PSTPIP1: variants seen among roughly 807,000 people sequenced by gnomAD.
PSTPIP1 encodes the protein proline-serine-threonine phosphatase-interacting protein 1.
PSTPIP1 carries 66 observed loss-of-function variants against 69.6 expected under a neutral mutation model. The ratio of observed to expected loss-of-function variants is 0.95; its 90% CI spans 0.78 to 1.16. PSTPIP1 has a LOEUF of 1.16. PSTPIP1 is among the 50% of genes most tolerant of loss of function. The pLI, the probability that PSTPIP1 is intolerant of heterozygous loss-of-function variation, is 0.00. For missense variants in PSTPIP1, 603 were observed against 557.4 expected (o/e 1.08, Z -0.82); for synonymous variants, 266 against 222.7 (o/e 1.19, Z -1.73).
chr15:76,997,736 G>T (rs2152661084), intron 1 of PSTPIP1, among the ~76,000 whole-genome samples: 1 of 152,188 alleles, frequency 6.6e-6, no homozygotes, highest in African/African-American at 2.4e-5. Context: ...CTCCCAGAGG[G>T]GTAAGAAAAT....
chr15:77,036,053 T>A, intron 14 of PSTPIP1, 118 bp downstream of exon 14: 1 of 1,330,290 alleles, frequency 7.5e-7, no homozygotes. Flanking sequence ...TCTTCGAGCA[T>A]CCTCTCCTCC....
rs539958477 is a variant in PSTPIP1 at position 77,032,509 on chromosome 15, G to A, written c.838+115G>A. The stretch of plus-strand genomic sequence containing the variant: ...TGGGGTAGCTCACAGCTCCCTTCAG[G>A]GCAGAGAAGCCCTAGCAGGGGTTGT... On this transcript the variant is annotated intron_variant, in intron 11 of 14. Coordinates refer to ENST00000558012, the MANE Select transcript of PSTPIP1 (RefSeq NM_003978.5). 1.9e-5 allele frequency: 22 copies of A among 1,133,764 alleles called. No individual in the cohort carries two copies. The East Asian group carries it at 5.0e-4, about 26-fold the overall frequency. The allele number at this position is 1,133,764 out of a possible 1,614,324, so 70.2% of individuals were successfully genotyped here. A position where few individuals can be genotyped will look rare whatever the true frequency, so the allele number is the denominator to read the frequency against.
chr15:77,027,748 C>T lies in PSTPIP1; in HGVS notation c.355-104C>T. The T allele has an allele frequency of 7.5e-7, 1 of 1,337,450 alleles. No individual in the cohort carries two copies. The highest frequency in any genetic ancestry group is 1.0e-6 in the Non-Finnish European group (1 of 956,372). The allele number at this position is 1,337,450 out of a possible 1,614,324, so 82.8% of individuals were successfully genotyped here. ...GCAGCCTGTCACCCTCTCTCCAGAG[C>T]CAGGAGAGGTGCTGCGCCTCATCCC... On this transcript the variant is annotated intron_variant, in intron 5 of 14. Coordinates refer to ENST00000558012, the MANE Select transcript of PSTPIP1 (RefSeq NM_003978.5). The surrounding 1 kb of genome is among the most constrained non-coding windows in gnomAD (Gnocchi z 4.3).
intron 12 of PSTPIP1, among the ~76,000 whole-genome samples, chr15:77,034,783 T>C (rs1262213135): frequency 6.6e-6 from 1 of 152,234 alleles, no homozygotes; most frequent in Non-Finnish European, 1.5e-5. Flanking sequence ...TGTTGAGCCC[T>C]CACTACTGCC....
intron 1 of PSTPIP1, among the ~76,000 whole-genome samples, chr15:77,000,894 T>C (rs2075694056): frequency 6.6e-6 from 1 of 152,146 alleles, no homozygotes; most frequent in Non-Finnish European, 1.5e-5. Context: ...TGTAGCGAAA[T>C]ACACATAAAA....
At chr15:76,996,629 C>T (rs1454015447) in intron 1 of PSTPIP1, among the ~76,000 whole-genome samples, 1 of 152,258 alleles carries the variant, frequency 6.6e-6, no homozygotes, top group Non-Finnish European at 1.5e-5. Flanking sequence ...TTCCGGCCGG[C>T]TCCACTTGGG....
In PSTPIP1 at chr15:77,027,033, G is replaced by T. The variant is rs2076295662; in HGVS notation, c.355-819G>T. Among the ~76,000 whole-genome samples, 1 of 152,252 alleles carries T rather than the reference G, an allele frequency of 6.6e-6. No individual in the cohort carries two copies. Among genetic ancestry groups the T allele is most frequent in the South Asian group, 2.1e-4 (1 of 4,838 alleles). ...CACAGAGCAAGGACATGTGCTTACA[G>T]GATGGTGCACACGTGCCTACGCTCC... On this transcript the variant is annotated intron_variant, in intron 5 of 14. Transcript: ENST00000558012. This position sits in a 1 kb window ranked among gnomAD's most constrained non-coding sequence, Gnocchi z 4.3.
At chr15:77,035,772 G>C in intron 13 of PSTPIP1, 30 bp from the exon 14 acceptor site, 1 of 1,592,438 alleles carries the variant, frequency 6.3e-7, no homozygotes, top group Non-Finnish European at 8.5e-7. Context: ...CCCCAGAAGG[G>C]GAGGGGTCTA....
At chr15:77,011,134 AG>A (rs1047745891) in intron 1 of PSTPIP1, among the ~76,000 whole-genome samples, 4 of 152,252 alleles carry the variant, frequency 2.6e-5, no homozygotes, top group African/African-American at 9.6e-5. Context: ...CTTGGTCAAA[AG>A]CCAGACGCCC....
chr15:77,001,724 G>A lies in PSTPIP1; in HGVS notation c.36+6115G>A, dbSNP rs1430982844. ...TTCCCTGTAAAAAGCAGAGAGCCTG[G>A]CAGTGCACCTGGTCGGCAACCCGTT... On this transcript the variant is annotated intron_variant, in intron 1 of 14. Transcript: ENST00000558012. Among the ~76,000 whole-genome samples, 5 of 152,202 alleles carry A rather than the reference G, an allele frequency of 3.3e-5. No homozygotes were observed. The East Asian group carries it at 7.7e-4, about 23-fold the overall frequency.
At chr15:77,036,472 A>G (rs1466476662) in intron 14 of PSTPIP1, among the ~76,000 whole-genome samples, 1 of 152,178 alleles carries the variant, frequency 6.6e-6, no homozygotes, top group African/African-American at 2.4e-5. Context: ...AGGATGAACC[A>G]AGGCAGCCAC....
intron 3 of PSTPIP1, among the ~76,000 whole-genome samples, chr15:77,021,237 T>G (rs2076154718): frequency 6.6e-6 from 1 of 152,212 alleles, no homozygotes; most frequent in Non-Finnish European, 1.5e-5. Context: ...CTCGGGCCAC[T>G]GAAATTAACA....
At chr15:77,034,823 G>A (rs565287616) in intron 12 of PSTPIP1, among the ~76,000 whole-genome samples, 6 of 152,372 alleles carry the variant, frequency 3.9e-5, no homozygotes, top group South Asian at 2.1e-4. Flanking sequence ...AGCATCTGCC[G>A]CATCTGCCTC....
At chr15:77,013,617 A>G (rs546404749) in intron 1 of PSTPIP1, among the ~76,000 whole-genome samples, 1 of 152,072 alleles carries the variant, frequency 6.6e-6, no homozygotes, top group African/African-American at 2.4e-5. Context: ...GTTGCACCCA[A>G]TAGTCTGCTC....
chr15:77,028,244 AAG>A (rs1359993460), intron 6 of PSTPIP1: 1 of 498,412 alleles, frequency 2.0e-6, no homozygotes, highest in African/African-American at 2.0e-5. Context: ...AGGGGCTCCT[AAG>A]AGGGCGCGGC....
intron 1 of PSTPIP1, among the ~76,000 whole-genome samples, chr15:76,996,587 G>A (rs2075585168): frequency 6.6e-6 from 1 of 152,254 alleles, no homozygotes; most frequent in Non-Finnish European, 1.5e-5. Flanking sequence ...CAGCCAGGAG[G>A]ATGAGAGCTA....
At chr15:77,028,359 G>A in intron 6 of PSTPIP1, 195 bp from the exon 7 acceptor site, 1 of 548,762 alleles carries the variant, frequency 1.8e-6, no homozygotes, top group East Asian at 3.1e-5. Context: ...GGGCCTGAGA[G>A]CAGGACTACC....
rs541064827 is a variant in PSTPIP1 at position 77,022,788 on chromosome 15, C to T, written c.213-2496C>T. ...AACTAGGGTGGCCTGATGGTTCCAG[C>T]AACGGGGACAGGGGACCTGGGGCAG... On this transcript the variant is annotated intron_variant, in intron 3 of 14. Coordinates refer to ENST00000558012, the MANE Select transcript of PSTPIP1 (RefSeq NM_003978.5). Among the ~76,000 whole-genome samples, 6 of 152,310 alleles carry T rather than the reference C, an allele frequency of 3.9e-5. No homozygotes were observed. The South Asian group carries it at 1.2e-3, about 32-fold the overall frequency.
chr15:77,017,165 T>G (rs1185857586), intron 1 of PSTPIP1, among the ~76,000 whole-genome samples: 1 of 151,570 alleles, frequency 6.6e-6, no homozygotes, highest in Non-Finnish European at 1.5e-5. Flanking sequence ...GCTCAGGGGG[T>G]TGTGGCGGGG....
Sources: gnomAD v4.1 joint callset for allele counts (sites outside exome capture counted in the v4.1 genomes callset) on GRCh38, gnomAD v4.1.1 for gene constraint, Gnocchi (gnomAD v3.1) non-coding constraint, MANE v1.5 for transcripts, NCBI Gene and HGNC (gene_info 2026-07-23, HGNC 2026-07-21) for gene names.